SPATA31E1: variants seen among roughly 807,000 people sequenced by gnomAD.
SPATA31E1 encodes spermatogenesis-associated protein 31E1.
A neutral mutation model predicts 12.9 loss-of-function variants in SPATA31E1; 7 were observed. That is an observed-to-expected ratio of 0.54 (90% confidence interval 0.31 to 1.02). The LOEUF (loss-of-function observed/expected upper bound fraction) is 1.02, where lower values mean the gene tolerates loss of function less well. Ranked by LOEUF, SPATA31E1 falls within the 50% of genes least tolerant of loss-of-function variation. The pLI is 0.05. For synonymous variants in SPATA31E1, 771 were observed against 719.0 expected (o/e 1.07, Z -1.16); for missense variants, 1,961 against 1,799.8 (o/e 1.09, Z -1.62).
chr9:87,887,641 A>C lies in SPATA31E1; in HGVS notation c.3154A>C (p.Ser1052Arg). Residue 1052 changes from serine to arginine, a missense_variant, in exon 4 of 4, where the codon AGT becomes CGT. By Grantham distance (110) the Ser-to-Arg change is moderately radical (BLOSUM62 -1). Coordinates refer to ENST00000325643, the MANE Select transcript of SPATA31E1 (RefSeq NM_178828.5). ...AACTTGGGAAGTCACCTTGGGAGCC[A>C]GTGTGAGGGCAAGTTCGGGAAGTGT... ...PPTWEVTLGASVRASSGSVQE... is the reference protein window; with the variant it reads ...PPTWEVTLGARVRASSGSVQE... 6.2e-7 allele frequency: 1 copy of C among 1,614,166 alleles called. No individual in the cohort carries two copies. Among genetic ancestry groups the C allele is most frequent in the Non-Finnish European group, 8.5e-7 (1 of 1,179,994 alleles).
chr9:87,884,466 G>C (rs550151084), intron 2 of SPATA31E1, 125 bp from the exon 3 acceptor site: 1 of 978,438 alleles, frequency 1.0e-6, no homozygotes, highest in Middle Eastern at 2.9e-4. Flanking sequence ...ATGTGGCCTC[G>C]GACACAGATG....
At position 87,887,279 on chromosome 9, in the gene SPATA31E1, A is replaced by G. The variant is rs576395689; in HGVS notation, c.2792A>G (p.Gln931Arg). Reference sequence around the variant, plus strand: ...CCACCGCCTGAGCAGGAGGGAGTCCAGAGGCCCCCGAGAGGGTCCCAGTCA... The same window carrying G: ...CCACCGCCTGAGCAGGAGGGAGTCCGGAGGCCCCCGAGAGGGTCCCAGTCA... The part of the protein sequence containing the change: ...AAPPPEQEGV[Q>R]RPPRGSQSAD... The change falls in exon 4 of 4, where the codon CAG becomes CGG. Residue 931 changes from glutamine (Q) to arginine (R), a missense_variant. Physicochemically the swap from Gln to Arg is conservative, Grantham distance 43. Transcript: ENST00000325643. The G allele has an allele frequency of 5.3e-4, 848 of 1,613,920 alleles. 12 individuals are homozygous for G. In the South Asian group the frequency reaches 8.9e-3, roughly 17 times the overall value.
At chr9:87,883,966 G>A (rs1186581179) in intron 1 of SPATA31E1, 26 bp from the exon 2 acceptor site, 2 of 1,596,696 alleles carry the variant, frequency 1.3e-6, no homozygotes, top group African/African-American at 2.7e-5. Context: ...ACTGGTCCCA[G>A]CCCCTCATCC....
Position 87,882,989 on chromosome 9 carries a change from G to A in SPATA31E1, c.98G>A (p.Cys33Tyr). 3 of 1,613,154 alleles carry A rather than the reference G, an allele frequency of 1.9e-6. No homozygotes were observed. The highest frequency in any genetic ancestry group is 2.5e-6 in the Non-Finnish European group (3 of 1,179,856). ...PPPAPRPSVE[C>Y]TGDDIALQME... is the part of the protein sequence containing the mutation. ...CCAGCTCCCAGACCATCTGTGGAGTGCACAGGAGACGACATTGCACTTCAG... is the reference window on the plus strand; with the variant it reads ...CCAGCTCCCAGACCATCTGTGGAGTACACAGGAGACGACATTGCACTTCAG... Residue 33 changes from cysteine (C) to tyrosine (Y), a missense_variant, in exon 1 of 4, where the codon TGC becomes TAC. Physicochemically the swap from Cys to Tyr is radical, Grantham distance 194 (BLOSUM62 -2). Coordinates refer to ENST00000325643, the MANE Select transcript of SPATA31E1 (RefSeq NM_178828.5).
At position 87,886,600 on chromosome 9, in the gene SPATA31E1, A is replaced by G. The variant is rs1828279208; in HGVS notation, c.2113A>G (p.Lys705Glu). ...CAGGAGCTCCGGAAGGTTCTCTGAC[A>G]AGGGGTGCTTAGGGTCCAAACTAGG... ...GFRSSGRFSD[K>E]GCLGSKLGPD... is the part of the protein sequence containing the mutation. The change falls in exon 4 of 4, where the codon AAG (lysine) becomes GAG (glutamate). Residue 705 changes from lysine to glutamate, a missense_variant. Coordinates refer to ENST00000325643, the MANE Select transcript of SPATA31E1 (RefSeq NM_178828.5). 1 of 1,613,922 alleles carries G rather than the reference A, an allele frequency of 6.2e-7. No homozygotes were observed. Among genetic ancestry groups the G allele is most frequent in the South Asian group, 1.1e-5 (1 of 91,082 alleles).
chr9:87,885,136 T>C lies in SPATA31E1; in HGVS notation c.649T>C (p.Ser217Pro), dbSNP rs753820461. ...MTFSEPFGPHSTLSASGPPEP... is the reference protein window; with the variant it reads ...MTFSEPFGPHPTLSASGPPEP... ...CTTCTCAGAGCCTTTTGGACCACAC[T>C]CAACCCTGAGTGCCTCCGGGCCACC... Residue 217 changes from serine to proline, a missense_variant, in exon 4 of 4, where the codon TCA becomes CCA. By Grantham distance (74) the Ser-to-Pro change is moderately conservative (BLOSUM62 -1). Coordinates refer to ENST00000325643, the MANE Select transcript of SPATA31E1 (RefSeq NM_178828.5). The C allele has an allele frequency of 5.0e-6, 8 of 1,614,022 alleles. No individual in the cohort carries two copies. The highest frequency in any genetic ancestry group is 6.8e-6 in the Non-Finnish European group (8 of 1,179,974).
intron 2 of SPATA31E1, among the ~76,000 whole-genome samples, chr9:87,884,387 G>T (rs144683010): frequency 3.2e-4 from 49 of 152,338 alleles, no homozygotes; most frequent in Admixed American, 7.8e-4. Flanking sequence ...TGAGGGGGTG[G>T]ACGTGGAAGC....
rs765707633 is a variant in SPATA31E1, at chr9:87,882,926, G to T, written c.35G>T (p.Arg12Met). Residue 12 changes from arginine to methionine, a missense_variant, in exon 1 of 4, where the codon AGG becomes ATG. Transcript: ENST00000325643. Reference sequence around the variant, plus strand: ...CTCGTCATCCCTCTAGGGAAGGGCAGGGCAGGCAGGGTTGAGAGTGGGCAG... The same window carrying T: ...CTCGTCATCCCTCTAGGGAAGGGCATGGCAGGCAGGGTTGAGAGTGGGCAG... ...GNLVIPLGKG[R>M]AGRVESGQRI... 29 of 1,608,592 alleles carry T rather than the reference G, an allele frequency of 1.8e-5. No homozygotes were observed. Among genetic ancestry groups the T allele is most frequent in the Non-Finnish European group, 1.3e-5 (15 of 1,178,006 alleles).
intron 3 of SPATA31E1, 63 bp downstream of exon 3, chr9:87,884,714 CG>C (rs1828232005): frequency 1.9e-6 from 3 of 1,595,570 alleles, no homozygotes; most frequent in Non-Finnish European, 2.6e-6. Context: ...TGCAACCCTA[CG>C]GCCTGGTGGT....
rs2117886711 is a variant in SPATA31E1 at position 87,886,746 on chromosome 9, C to T, written c.2259C>T (p.Pro753=). Residue 753 remains proline (P), a synonymous_variant, in exon 4 of 4, where the codon CCC becomes CCT. Transcript: ENST00000325643. ...AGTACCAATCAGTAAGTTCCACACCCAGGGACCCAGACAAGGAGCATCTGG... is the reference window on the plus strand; with the variant it reads ...AGTACCAATCAGTAAGTTCCACACCTAGGGACCCAGACAAGGAGCATCTGG... ...SWKYQSVSST[P]RDPDKEHLEN... 1.2e-6 allele frequency: 2 copies of T among 1,614,004 alleles called. No homozygotes were observed. Among genetic ancestry groups the T allele is most frequent in the Non-Finnish European group, 1.7e-6 (2 of 1,180,030 alleles).
Position 87,886,113 on chromosome 9 carries a change from T to C in SPATA31E1, c.1626T>C (p.Ile542=). ...TGGGGTGCTCTTCTCCACCCCAGAT[T>C]AGGGGCTGTGGGGCATCTTACCCTA... is the stretch of plus-strand genomic sequence containing the variant. ...PSLGCSSPPQ[I]RGCGASYPTS... Residue 542 remains isoleucine, a synonymous_variant, in exon 4 of 4, where the codon ATT becomes ATC. Coordinates refer to ENST00000325643, the MANE Select transcript of SPATA31E1 (RefSeq NM_178828.5). 3.7e-6 allele frequency: 6 copies of C among 1,604,532 alleles called. No individual in the cohort carries two copies. The South Asian group carries it at 5.6e-5, about 15-fold the overall frequency.
At position 87,887,692 on chromosome 9, in the gene SPATA31E1, G is replaced by C. The variant is rs776070896; in HGVS notation, c.3205G>C (p.Ala1069Pro). 3.7e-6 allele frequency: 6 copies of C among 1,614,016 alleles called. No individual in the cohort carries two copies. The Admixed American group carries it at 5.0e-5, about 13-fold the overall frequency. Residue 1069 changes from alanine to proline, a missense_variant, in exon 4 of 4, where the codon GCT (alanine) becomes CCT (proline). Ala to Pro is a conservative substitution (Grantham distance 27). Transcript: ENST00000325643. ...TCAGGAGGATCTGAGGAGCACAGGGGCTCTGGGGACCACTGGTAACCCCTC... is the reference window on the plus strand; with the variant it reads ...TCAGGAGGATCTGAGGAGCACAGGGCCTCTGGGGACCACTGGTAACCCCTC... ...SVQEDLRSTG[A>P]LGTTGNPSAS...
At chr9:87,884,085 C>A in intron 2 of SPATA31E1, 39 bp downstream of exon 2, 1 of 1,568,410 alleles carries the variant, frequency 6.4e-7, no homozygotes, top group Non-Finnish European at 8.7e-7. Flanking sequence ...CCAGAGGTAA[C>A]TGAGCTTTGC....
chr9:87,884,628 G>A lies in SPATA31E1; in HGVS notation c.402G>A (p.Arg134=). The A allele has an allele frequency of 6.2e-7, 1 of 1,614,126 alleles. No homozygotes were observed. The highest frequency in any genetic ancestry group is 8.5e-7 in the Non-Finnish European group (1 of 1,180,000). ...TCCTGAGGGAGCTGGAGGAGACTCG[G>A]GACCTGAACTACCTTCTGGAAAGGT... ...RILLRELEET[R]DLNYLLESHL... is the part of the protein sequence containing the mutation. Residue 134 remains arginine, a synonymous_variant, in exon 3 of 4, where the codon CGG becomes CGA. Coordinates refer to ENST00000325643, the MANE Select transcript of SPATA31E1 (RefSeq NM_178828.5).
chr9:87,883,963 C>T lies in SPATA31E1; in HGVS notation c.310-29C>T, dbSNP rs747020760. 10 of 1,593,576 alleles carry T rather than the reference C, an allele frequency of 6.3e-6. 1 individual carries two copies. In the Middle Eastern group the frequency reaches 8.4e-4, roughly 133 times the overall value. ...GGGGAGAGGAGACTGAGAACTGGTC[C>T]CAGCCCCTCATCCTTTCTTGCCTCT... On this transcript the variant is annotated intron_variant, in intron 1 of 3. Coordinates refer to ENST00000325643, the MANE Select transcript of SPATA31E1 (RefSeq NM_178828.5).
Position 87,886,254 on chromosome 9 carries a change from G to A in SPATA31E1, c.1767G>A (p.Gln589=). The change falls in exon 4 of 4, where the codon CAG becomes CAA. Residue 589 remains glutamine (Q), a synonymous_variant. Transcript: ENST00000325643. ...RVLPSLLKKS[Q]AVLSQPTAHL... ...TGCCCTCTCTCCTCAAAAAGTCTCA[G>A]GCTGTTCTGAGCCAGCCCACTGCCC... 6.2e-7 allele frequency: 1 copy of A among 1,613,920 alleles called. No homozygotes were observed. Among genetic ancestry groups the A allele is most frequent in the Non-Finnish European group, 8.5e-7 (1 of 1,180,018 alleles).
In SPATA31E1 at chr9:87,885,796, A is replaced by G. The variant is rs747565174; in HGVS notation, c.1309A>G (p.Ser437Gly). The part of the protein sequence containing the change: ...TVGNHLQQKR[S>G]QLFWDLPSLN... ...GGGGAACCACTTACAGCAGAAACGC[A>G]GCCAGCTTTTCTGGGACCTCCCCTC... Residue 437 changes from serine to glycine, a missense_variant, in exon 4 of 4, where the codon AGC becomes GGC. Physicochemically the swap from Ser to Gly is moderately conservative, Grantham distance 56. Transcript: ENST00000325643. 1 of 1,613,964 alleles carries G rather than the reference A, an allele frequency of 6.2e-7. No homozygotes were observed. The highest frequency in any genetic ancestry group is 1.1e-5 in the South Asian group (1 of 91,080).
At position 87,888,331 on chromosome 9, in the gene SPATA31E1, C is replaced by T. The variant is rs763405104; in HGVS notation, c.3844C>T (p.Arg1282Trp). 50 of 1,614,054 alleles carry T rather than the reference C, an allele frequency of 3.1e-5. No homozygotes were observed. The East Asian group carries it at 5.8e-4, about 19-fold the overall frequency. The change falls in exon 4 of 4, where the codon CGG becomes TGG. Residue 1282 changes from arginine (R) to tryptophan (W), a missense_variant. Transcript: ENST00000325643. ...QGLHPRKGGTRWEDVLQKGKP... is the reference protein window; with the variant it reads ...QGLHPRKGGTWWEDVLQKGKP... ...TCTACACCCCAGGAAAGGAGGCACACGGTGGGAAGATGTCCTGCAGAAAGG... is the reference window on the plus strand; with the variant it reads ...TCTACACCCCAGGAAAGGAGGCACATGGTGGGAAGATGTCCTGCAGAAAGG...
rs1383648493 is a variant in SPATA31E1 at position 87,886,291 on chromosome 9, G to C, written c.1804G>C (p.Glu602Gln). 20 of 1,613,592 alleles carry C rather than the reference G, an allele frequency of 1.2e-5. No homozygotes were observed. Among genetic ancestry groups the C allele is most frequent in the Non-Finnish European group, 1.5e-5 (18 of 1,180,026 alleles). The change falls in exon 4 of 4, where the codon GAG (glutamate) becomes CAG (glutamine). Residue 602 changes from glutamate (E) to glutamine (Q), a missense_variant. Coordinates refer to ENST00000325643, the MANE Select transcript of SPATA31E1 (RefSeq NM_178828.5). ...LSQPTAHLPQ[E>Q]RPASWSPKSA... ...CCAGCCCACTGCCCACCTTCCCCAA[G>C]AGAGGCCGGCCTCCTGGAGCCCCAA... is the stretch of plus-strand genomic sequence containing the variant.
Sources: gnomAD v4.1 joint callset for allele counts (sites outside exome capture counted in the v4.1 genomes callset) on GRCh38, gnomAD v4.1.1 for gene constraint, MANE v1.5 for transcripts, NCBI Gene and HGNC (gene_info 2026-07-23, HGNC 2026-07-21) for gene names.